Variants in RARS1 observed in about 807,000 individuals in gnomAD.
RARS1 encodes arginyl-tRNA synthetase 1, also known as arginine--tRNA ligase, cytoplasmic.
In RARS1, 75 loss-of-function variants were observed where a neutral mutation model predicts 78.7. That is an observed-to-expected ratio of 0.95 (90% CI 0.79 to 1.15). The LOEUF (loss-of-function observed/expected upper bound fraction) is 1.15, where lower values mean the gene tolerates loss of function less well. RARS1 is among the 50% of genes most tolerant of loss of function. The probability of loss-of-function intolerance (pLI) is 0.00; values close to 1 mark genes in which losing one functional copy is unlikely to be tolerated. For missense variants in RARS1, 787 were observed against 787.5 expected (o/e 1.00, Z 0.01); for synonymous variants, 273 against 268.2 (o/e 1.02, Z -0.18).
chr5:168,486,533 T>C lies in RARS1; in HGVS notation c.35T>C (p.Leu12Pro), dbSNP rs952079636. Residue 12 changes from leucine to proline, a missense_variant, in exon 1 of 15, where the codon CTG (leucine) becomes CCG (proline). By Grantham distance (98) the Leu-to-Pro change is moderately conservative. Transcript: ENST00000231572. Reference sequence around the variant, plus strand: ...CTGGTGTCTGAGTGCTCCGCGCGGCTGCTGCAGCAGGTTTGGACGCAGGAG... The same window carrying C: ...CTGGTGTCTGAGTGCTCCGCGCGGCCGCTGCAGCAGGTTTGGACGCAGGAG... ...DVLVSECSAR[L>P]LQQEEEIKSL... 1 of 1,558,150 alleles carries C rather than the reference T, an allele frequency of 6.4e-7. No individual in the cohort carries two copies. The highest frequency in any genetic ancestry group is 8.7e-7 in the Non-Finnish European group (1 of 1,150,058).
In RARS1 at chr5:168,516,925, T is replaced by A. The variant is rs201671813; in HGVS notation, c.1600T>A (p.Leu534Met). ...LDDRGNTAAY[L>M]LYAFTRIRSI... ...TGACAGAGGAAATACAGCTGCTTAC[T>A]TGTTGTATGCCTTCACTAGAATCAG... The change falls in exon 13 of 15, where the codon TTG becomes ATG. Residue 534 changes from leucine to methionine, a missense_variant. Leu to Met is a conservative substitution (Grantham distance 15). Coordinates refer to ENST00000231572, the MANE Select transcript of RARS1 (RefSeq NM_002887.4). 7 of 1,614,052 alleles carry A rather than the reference T, an allele frequency of 4.3e-6. No homozygotes were observed. The highest frequency in any genetic ancestry group is 5.1e-6 in the Non-Finnish European group (6 of 1,179,918).
At chr5:168,518,642 T>G (rs3797711) in intron 14 of RARS1, among the ~76,000 whole-genome samples, 30,075 of 151,996 alleles carry the variant, frequency 0.2, 3,294 homozygotes, top group Admixed American at 0.3. Context: ...TAGGCTGTCT[T>G]CCCTCTGTCA....
At chr5:168,486,782 C>G (rs549406262) in intron 1 of RARS1, among the ~76,000 whole-genome samples, 1 of 152,236 alleles carries the variant, frequency 6.6e-6, no homozygotes, top group Admixed American at 6.5e-5. Context: ...CCAGGCCTCC[C>G]CCAAACCAGC....
Position 168,510,668 on chromosome 5 carries a change from G to A in RARS1, c.1434G>A (p.Lys478=). The change falls in exon 12 of 15, where the codon AAG becomes AAA. Residue 478 remains lysine (K), a synonymous_variant. Transcript: ENST00000231572. ...EGLKRSMDKL[K]EKERDKVLTA... ...TAAAACGATCCATGGACAAGTTGAA[G>A]GAAAAAGAAAGAGACAAGGTAATTC... 4 of 1,605,266 alleles carry A rather than the reference G, an allele frequency of 2.5e-6. No individual in the cohort carries two copies. The highest frequency in any genetic ancestry group is 1.7e-5 in the Admixed American group (1 of 57,838).
intron 7 of RARS1, among the ~76,000 whole-genome samples, 167 bp from the exon 8 acceptor site, chr5:168,500,424 C>T (rs1464069613): frequency 1.3e-5 from 2 of 152,068 alleles, no homozygotes; most frequent in South Asian, 4.1e-4. Flanking sequence ...AGTTCTTTGG[C>T]ATGTTCATTT....
At chr5:168,503,706 G>T (rs1461975713) in intron 9 of RARS1, among the ~76,000 whole-genome samples, 2 of 151,926 alleles carry the variant, frequency 1.3e-5, no homozygotes, top group Non-Finnish European at 2.9e-5. Context: ...TATCTCTATG[G>T]AAGCCTGTTT....
chr5:168,497,540 A>G (rs548547142), intron 7 of RARS1, among the ~76,000 whole-genome samples, 192 bp downstream of exon 7: 1 of 151,954 alleles, frequency 6.6e-6, no homozygotes, highest in East Asian at 1.9e-4. Flanking sequence ...TTTGTAATTT[A>G]TAAAGACGTT....
chr5:168,486,675 C>A, intron 1 of RARS1, 132 bp downstream of exon 1: 1 of 932,198 alleles, frequency 1.1e-6, no homozygotes, highest in Non-Finnish European at 1.7e-6. Context: ...GCGGCACGGT[C>A]CCTGTGGGAA....
chr5:168,502,814 C>T (rs1367992220), intron 9 of RARS1, among the ~76,000 whole-genome samples: 1 of 152,100 alleles, frequency 6.6e-6, no homozygotes, highest in Non-Finnish European at 1.5e-5. Context: ...TCAAGTGATC[C>T]ACCCACCTCA....
intron 5 of RARS1, chr5:168,495,011 T>C (rs1478284997): frequency 6.1e-6 from 2 of 326,878 alleles, no homozygotes; most frequent in Non-Finnish European, 5.4e-6. Context: ...GATTTTTTTT[T>C]TTTTTCACTT....
Position 168,497,322 on chromosome 5 carries a change from A to T in RARS1, c.796A>T (p.Ile266Phe). 1 of 1,585,106 alleles carries T rather than the reference A, an allele frequency of 6.3e-7. No homozygotes were observed. The highest frequency in any genetic ancestry group is 8.6e-7 in the Non-Finnish European group (1 of 1,164,528). The change falls in exon 7 of 15, where the codon ATT becomes TTT. Residue 266 changes from isoleucine to phenylalanine, a missense_variant. Physicochemically the swap from Ile to Phe is conservative, Grantham distance 21 (BLOSUM62 0). Coordinates refer to ENST00000231572, the MANE Select transcript of RARS1 (RefSeq NM_002887.4). The part of the protein sequence containing the change: ...FPDYLTVSPP[I>F]GDLQVFYKES... Reference sequence around the variant, plus strand: ...AGATTATCTAACAGTTTCACCTCCTATTGGGGATCTTCAGGTCTTTTATAA... The same window carrying T: ...AGATTATCTAACAGTTTCACCTCCTTTTGGGGATCTTCAGGTCTTTTATAA...
intron 11 of RARS1, among the ~76,000 whole-genome samples, chr5:168,510,126 A>G (rs555462679): frequency 2.0e-5 from 3 of 152,248 alleles, no homozygotes; most frequent in South Asian, 4.1e-4. Flanking sequence ...GATTTTGTCA[A>G]AGAATTTACT....
chr5:168,514,180 C>G (rs563592959), intron 12 of RARS1, among the ~76,000 whole-genome samples: 2 of 151,972 alleles, frequency 1.3e-5, no homozygotes, highest in South Asian at 4.2e-4. Flanking sequence ...TAAGAAATGC[C>G]TAAGTGTGGT....
At chr5:168,508,832 C>G (rs1191098879) in intron 11 of RARS1, among the ~76,000 whole-genome samples, 1 of 151,966 alleles carries the variant, frequency 6.6e-6, no homozygotes, top group African/African-American at 2.4e-5. Flanking sequence ...TGGTTGGATG[C>G]TCCACAATGT....
chr5:168,494,657 G>A lies in RARS1; in HGVS notation c.579+7G>A. The A allele has an allele frequency of 6.6e-7, 1 of 1,517,844 alleles. No homozygotes were observed. Among genetic ancestry groups the A allele is most frequent in the Admixed American group, 1.7e-5 (1 of 59,844 alleles). 94.0% of individuals were successfully genotyped at this position (1,517,844 alleles called of 1,614,324 possible). On this transcript the variant is annotated splice_region_variant and intron_variant, in intron 5 of 14. Transcript: ENST00000231572. ...TCTGGGAGAGAATAAAAAGGTATAT[G>A]TACACTCTTCTATTAATATATTAGT...
chr5:168,500,200 CA>C (rs36015007), intron 7 of RARS1, among the ~76,000 whole-genome samples: 10,182 of 47,450 alleles, frequency 0.21, 52 homozygotes, highest in Middle Eastern at 0.27. Flanking sequence ...GACTCTGTCT[CA>C]AAAAAAAAAA....
At chr5:168,512,570 A>C (rs891638621) in intron 12 of RARS1, among the ~76,000 whole-genome samples, 34 of 152,204 alleles carry the variant, frequency 2.2e-4, no homozygotes, top group African/African-American at 6.3e-4. Context: ...ACACGATAAC[A>C]AGGTCCCACA....
chr5:168,518,095 T>TTTTTTTTTTTTTTTTTTTTG (rs70976491), intron 14 of RARS1, 33 bp downstream of exon 14: 6 of 1,338,204 alleles, frequency 4.5e-6, no homozygotes, highest in East Asian at 6.2e-5. Context: ...TTTTTTTTTT[T>TTTTTTTTTTTTTTTTTTTTG]AGTGAGAGAC....
At position 168,517,826 on chromosome 5, in the gene RARS1, G is replaced by A. The variant is rs200955736; in HGVS notation, c.1637G>A (p.Arg546His). 3.7e-6 allele frequency: 6 copies of A among 1,613,398 alleles called. No homozygotes were observed. In the East Asian group the frequency reaches 6.7e-5, roughly 18 times the overall value. ...TTGTTTTTTTTAAGGTCTATTGCAC[G>A]TCTGGCCAATATTGATGAAGAAATG... ...YAFTRIRSIA[R>H]LANIDEEMLQ... Residue 546 changes from arginine (R) to histidine (H), a missense_variant, in exon 14 of 15, where the codon CGT (arginine) becomes CAT (histidine). Transcript: ENST00000231572.
Sources: gnomAD v4.1 joint callset for allele counts (sites outside exome capture counted in the v4.1 genomes callset) on GRCh38, gnomAD v4.1.1 for gene constraint, MANE v1.5 for transcripts, NCBI Gene and HGNC (gene_info 2026-07-23, HGNC 2026-07-21) for gene names.